Variants in MAF observed in about 807,000 individuals in gnomAD.
The protein encoded by MAF is transcription factor Maf.
MAF carries 10 observed loss-of-function variants against 22.0 expected under a neutral mutation model. The observed-to-expected ratio is 0.45, with a 90% CI of 0.28 to 0.77. The LOEUF (loss-of-function observed/expected upper bound fraction) is 0.77, where lower values mean the gene tolerates loss of function less well. MAF is among the 30% of genes least tolerant of loss of function. The pLI is 0.12. For synonymous variants in MAF, 337 were observed against 255.8 expected (o/e 1.32, Z -3.03); for missense variants, 544 against 548.4 (o/e 0.99, Z 0.08).
chr16:79,386,805 C>G, the MAF span, among the ~76,000 whole-genome samples: 1 of 151,842 alleles, frequency 6.6e-6, no homozygotes, highest in Non-Finnish European at 1.5e-5. Flanking sequence ...ATCCTTAGAG[C>G]CAAAAGAAGA....
the MAF span, among the ~76,000 whole-genome samples, chr16:79,250,027 C>G: frequency 6.6e-6 from 1 of 152,304 alleles, no homozygotes; most frequent in East Asian, 1.9e-4. Context: ...ACTGAATTAG[C>G]CCGTTACCAG....
the MAF span, among the ~76,000 whole-genome samples, chr16:79,351,427 A>C: frequency 6.6e-6 from 1 of 152,062 alleles, no homozygotes; most frequent in Non-Finnish European, 1.5e-5. Flanking sequence ...GGCTTGCGGG[A>C]GAGAGGTTTT....
At chr16:79,557,956 C>T in the MAF span, among the ~76,000 whole-genome samples, 5 of 151,262 alleles carry the variant, frequency 3.3e-5, no homozygotes, top group African/African-American at 9.7e-5. Context: ...CTGATGGGTG[C>T]TTCAGGGAAG....
chr16:79,386,605 C>G, the MAF span, among the ~76,000 whole-genome samples: 2 of 152,050 alleles, frequency 1.3e-5, no homozygotes, highest in Non-Finnish European at 2.9e-5. Context: ...GATGGGGACT[C>G]CTGTATATAA....
chr16:79,587,654 A>G (rs1003515533), intron 1 of MAF, among the ~76,000 whole-genome samples: 1 of 152,140 alleles, frequency 6.6e-6, no homozygotes, highest in Non-Finnish European at 1.5e-5. Flanking sequence ...GCTTTGCAAA[A>G]TGCCCCCTTT....
the MAF span, among the ~76,000 whole-genome samples, chr16:79,398,305 C>T: frequency 7.9e-5 from 12 of 152,324 alleles, no homozygotes; most frequent in Admixed American, 2.6e-4. Flanking sequence ...TGATTAGTGA[C>T]GTTAATGCCA....
chr16:79,297,277 T>C, the MAF span, among the ~76,000 whole-genome samples: 1 of 152,230 alleles, frequency 6.6e-6, no homozygotes, highest in Non-Finnish European at 1.5e-5. Context: ...TTGATAGCAC[T>C]GAAAGCAATG....
the MAF span, among the ~76,000 whole-genome samples, chr16:79,317,875 A>G: frequency 6.6e-6 from 1 of 151,922 alleles, no homozygotes; most frequent in Non-Finnish European, 1.5e-5. Context: ...TTTGGAGAGT[A>G]TTTACTATCT....
chr16:79,374,830 A>G, the MAF span, among the ~76,000 whole-genome samples: 1 of 152,212 alleles, frequency 6.6e-6, no homozygotes, highest in Non-Finnish European at 1.5e-5. Context: ...TTAATTCAGA[A>G]AACACAGTCC....
rs1913874858 is a variant in MAF at position 79,599,644 on chromosome 16, G to T, written c.259C>A (p.His87Asn). 2 of 1,611,704 alleles carry T rather than the reference G, an allele frequency of 1.2e-6. No individual in the cohort carries two copies. The highest frequency in any genetic ancestry group is 1.1e-5 in the South Asian group (1 of 90,860). Residue 87 changes from histidine (H) to asparagine (N), a missense_variant, in exon 1 of 2, where the codon CAC (histidine) becomes AAC (asparagine). By Grantham distance (68) the His-to-Asn change is moderately conservative (BLOSUM62 1). This residue lies in a region of MAF where 342 missense variants were observed against 315.5 expected (regional missense o/e 1.08). Transcript: ENST00000326043. ...SPGSGSEQKA[H>N]LEDYYWMTGY... ...GTCATCCAGTAGTAGTCTTCCAGGT[G>T]CGCCTTCTGCTCGCTGCCCGAGCCC... is the stretch of plus-strand genomic sequence containing the variant.
At chr16:79,250,187 G>A in the MAF span, among the ~76,000 whole-genome samples, 1 of 152,180 alleles carries the variant, frequency 6.6e-6, no homozygotes, top group Non-Finnish European at 1.5e-5. Context: ...AGGGATTCTG[G>A]GTCCCTCCTC....
the MAF span, among the ~76,000 whole-genome samples, chr16:79,265,263 T>C: frequency 6.6e-6 from 1 of 152,208 alleles, no homozygotes; most frequent in Non-Finnish European, 1.5e-5. Context: ...AAAGTCATGG[T>C]GTAAAGACAA....
chr16:79,379,973 G>T, the MAF span, among the ~76,000 whole-genome samples: 1 of 152,284 alleles, frequency 6.6e-6, no homozygotes, highest in African/African-American at 2.4e-5. Flanking sequence ...AGAATGTGGG[G>T]AAAGTCAAAA....
chr16:79,379,319 T>C, the MAF span, among the ~76,000 whole-genome samples: 1 of 152,240 alleles, frequency 6.6e-6, no homozygotes, highest in African/African-American at 2.4e-5. Context: ...AGCACTGGCA[T>C]GTTGCCTTGG....
chr16:79,239,444 G>C, the MAF span, among the ~76,000 whole-genome samples: 84 of 152,154 alleles, frequency 5.5e-4, 2 homozygotes, highest in Non-Finnish European at 3.2e-4. Context: ...GGGATGGTTT[G>C]TAGGGAACAA....
the MAF span, among the ~76,000 whole-genome samples, chr16:79,369,088 T>C: frequency 1.3e-5 from 2 of 152,242 alleles, no homozygotes; most frequent in African/African-American, 4.8e-5. Context: ...AAATGTTTGT[T>C]GAATAAATTA....
the MAF span, among the ~76,000 whole-genome samples, chr16:79,499,608 C>G: frequency 6.6e-6 from 1 of 151,962 alleles, no homozygotes; most frequent in Non-Finnish European, 1.5e-5. Flanking sequence ...AAAAAGAGGC[C>G]CCAAAGAGCT....
the MAF span, among the ~76,000 whole-genome samples, chr16:79,555,185 G>C: frequency 0.028 from 4,213 of 152,256 alleles, 94 homozygotes; most frequent in East Asian, 0.072. Context: ...CTTTGTATTT[G>C]CTTCCATCCT....
At chr16:79,322,177 G>C in the MAF span, among the ~76,000 whole-genome samples, 604 of 152,286 alleles carry the variant, frequency 4.0e-3, 6 homozygotes, top group African/African-American at 0.014. Flanking sequence ...AGGTTGCATT[G>C]AGCCAAGATC....
Sources: gnomAD v4.1 joint callset for allele counts (sites outside exome capture counted in the v4.1 genomes callset) on GRCh38, gnomAD v4.1.1 for gene constraint, gnomAD v4.1.1 regional missense constraint, MANE v1.5 for transcripts, NCBI Gene and HGNC (gene_info 2026-07-23, HGNC 2026-07-21) for gene names.